ERC2: variants seen among roughly 807,000 people sequenced by gnomAD.
ERC2 encodes ELKS/RAB6-interacting/CAST family member 2, also known as ERC protein 2.
In ERC2, 42 loss-of-function variants were observed where a neutral mutation model predicts 114.8. That is an observed-to-expected ratio of 0.37 (90% confidence interval 0.29 to 0.47). The LOEUF (loss-of-function observed/expected upper bound fraction) is 0.47, where lower values mean the gene tolerates loss of function less well. Among genes scored for constraint, ERC2 ranks in the 20% least tolerant of loss-of-function variants. The pLI is 0.99. For synonymous variants in ERC2, 454 were observed against 425.5 expected (o/e 1.07, Z -0.82); for missense variants, 939 against 1,150.7 (o/e 0.82, Z 2.66).
At chr3:56,008,274 T>A (rs969328471) in intron 9 of ERC2, among the ~76,000 whole-genome samples, 5 of 152,084 alleles carry the variant, frequency 3.3e-5, no homozygotes, top group African/African-American at 4.8e-5. Context: ...ACCTTGATGA[T>A]AAAAATCACC....
In ERC2 at chr3:55,626,563, T is replaced by G. The variant is rs369899593; in HGVS notation, c.*39+57231A>C. 9.2e-5 allele frequency among the ~76,000 whole-genome samples: 14 copies of G among 152,382 alleles called. No homozygotes were observed. In the South Asian group the frequency reaches 2.9e-3, roughly 32 times the overall value. ...TTACTAGCCAGGTCTGCTTATTTAC[T>G]GAATAAAGCCCAAGCCAGTGATTGC... On this transcript the variant is annotated intron_variant, in intron 17 of 17. Coordinates refer to ENST00000288221, the MANE Select transcript of ERC2 (RefSeq NM_015576.3).
chr3:55,688,743 T>G (rs1480879260), intron 16 of ERC2, among the ~76,000 whole-genome samples: 1 of 152,168 alleles, frequency 6.6e-6, no homozygotes. Flanking sequence ...AGGCAGCACC[T>G]TCACCTCCTT....
chr3:56,336,378 G>A (rs2057848693), intron 2 of ERC2, among the ~76,000 whole-genome samples: 1 of 152,192 alleles, frequency 6.6e-6, no homozygotes, highest in African/African-American at 2.4e-5. Flanking sequence ...TAATCACACA[G>A]GACCTTGCTG....
chr3:55,825,657 A>G (rs1348174765), intron 14 of ERC2, among the ~76,000 whole-genome samples: 1 of 152,168 alleles, frequency 6.6e-6, no homozygotes, highest in Non-Finnish European at 1.5e-5. Flanking sequence ...TTAATGTATA[A>G]TCATCCTTTA....
intron 13 of ERC2, among the ~76,000 whole-genome samples, chr3:55,893,684 T>C (rs1343756672): frequency 2.0e-5 from 3 of 152,164 alleles, no homozygotes; most frequent in African/African-American, 7.2e-5. Flanking sequence ...GATCTTCTCT[T>C]TCCTCTTTTA....
chr3:55,726,423 T>C (rs932919308), intron 15 of ERC2, among the ~76,000 whole-genome samples: 20 of 152,240 alleles, frequency 1.3e-4, no homozygotes, highest in Non-Finnish European at 2.5e-4. Flanking sequence ...CCGTGGCTTC[T>C]AGCAGAGGGG....
At chr3:56,406,500 A>G (rs900401080) in intron 2 of ERC2, among the ~76,000 whole-genome samples, 1 of 152,342 alleles carries the variant, frequency 6.6e-6, no homozygotes, top group Admixed American at 6.5e-5. Flanking sequence ...CTTCATGGGC[A>G]TGGCCTGTGG....
At chr3:56,155,597 T>C (rs996038037) in intron 4 of ERC2, among the ~76,000 whole-genome samples, 3 of 152,024 alleles carry the variant, frequency 2.0e-5, no homozygotes, top group Non-Finnish European at 2.9e-5. Context: ...TGCCAAAATA[T>C]GTAATGTTCT....
At chr3:55,695,687 T>C (rs1576178927) in intron 16 of ERC2, among the ~76,000 whole-genome samples, 2 of 152,178 alleles carry the variant, frequency 1.3e-5, no homozygotes, top group East Asian at 3.9e-4. Context: ...TTTTCGGTTG[T>C]GCAAAGCAAG....
chr3:56,406,194 C>A (rs11922777), intron 2 of ERC2, among the ~76,000 whole-genome samples: 19 of 152,206 alleles, frequency 1.2e-4, no homozygotes, highest in Middle Eastern at 3.4e-3. Context: ...TGCCCAGCCA[C>A]GATATGAACA....
At chr3:55,805,260 T>C (rs182763883) in intron 14 of ERC2, among the ~76,000 whole-genome samples, 29 of 152,184 alleles carry the variant, frequency 1.9e-4, no homozygotes, top group African/African-American at 6.5e-4. Context: ...TTTAATTTAC[T>C]TATCATCTGT....
chr3:55,914,405 T>C (rs1344291998), intron 13 of ERC2, among the ~76,000 whole-genome samples: 1 of 152,156 alleles, frequency 6.6e-6, no homozygotes, highest in Non-Finnish European at 1.5e-5. Context: ...AAACAGAAGT[T>C]CAGAAAACTC....
intron 2 of ERC2, among the ~76,000 whole-genome samples, chr3:56,377,826 T>C (rs891731512): frequency 6.7e-6 from 1 of 149,270 alleles, no homozygotes. Context: ...CAATTCAGCC[T>C]AGGCAACATA....
chr3:55,844,404 G>T (rs1279637880), intron 14 of ERC2, among the ~76,000 whole-genome samples: 2 of 152,192 alleles, frequency 1.3e-5, no homozygotes, highest in Non-Finnish European at 2.9e-5. Context: ...CCAGATGGAT[G>T]AATCTCACAA....
At chr3:56,382,037 A>C (rs1443184552) in intron 2 of ERC2, among the ~76,000 whole-genome samples, 1 of 152,024 alleles carries the variant, frequency 6.6e-6, no homozygotes, top group African/African-American at 2.4e-5. Flanking sequence ...CTCTTTCCCC[A>C]TACTCACTTT....
chr3:55,911,399 T>C (rs2064803988), intron 13 of ERC2, among the ~76,000 whole-genome samples: 1 of 152,172 alleles, frequency 6.6e-6, no homozygotes, highest in Non-Finnish European at 1.5e-5. Context: ...GGTAATATTC[T>C]AGTAAGGGAA....
At chr3:55,647,610 T>C (rs568005682) in intron 17 of ERC2, among the ~76,000 whole-genome samples, 2 of 152,152 alleles carry the variant, frequency 1.3e-5, no homozygotes, top group South Asian at 2.1e-4. Context: ...AGATAGCACA[T>C]TGAAATATCT....
chr3:56,274,180 C>T (rs2053841679), intron 3 of ERC2, among the ~76,000 whole-genome samples: 1 of 152,190 alleles, frequency 6.6e-6, no homozygotes, highest in South Asian at 2.1e-4. Flanking sequence ...GCATTAGCTT[C>T]TCTTAGGAGC....
At chr3:55,556,535 C>T (rs1156777328) in intron 17 of ERC2, among the ~76,000 whole-genome samples, 2 of 152,180 alleles carry the variant, frequency 1.3e-5, no homozygotes, top group African/African-American at 4.8e-5. Context: ...CTCTGGCCTG[C>T]AGTGATTCAA....
Sources: gnomAD v4.1 joint callset for allele counts (sites outside exome capture counted in the v4.1 genomes callset) on GRCh38, gnomAD v4.1.1 for gene constraint, MANE v1.5 for transcripts, NCBI Gene and HGNC (gene_info 2026-07-23, HGNC 2026-07-21) for gene names.